SLC9A9: variants seen among roughly 807,000 people sequenced by gnomAD.
SLC9A9 encodes solute carrier family 9 member A9.
A neutral mutation model predicts 77.8 loss-of-function variants in SLC9A9; 62 were observed. The observed-to-expected ratio is 0.80, with a 90% confidence interval of 0.65 to 0.98. The LOEUF (loss-of-function observed/expected upper bound fraction) is 0.98, where lower values mean the gene tolerates loss of function less well. Among genes scored for constraint, SLC9A9 ranks in the 50% least tolerant of loss-of-function variants. SLC9A9 has a pLI of 0.00. For synonymous variants in SLC9A9, 320 were observed against 283.5 expected (o/e 1.13, Z -1.29); for missense variants, 775 against 774.9 (o/e 1.00, Z 0.00).
chr3:143,728,020 TCTC>T (rs1196961738), intron 4 of SLC9A9, among the ~76,000 whole-genome samples: 7 of 152,226 alleles, frequency 4.6e-5, no homozygotes, highest in Non-Finnish European at 8.8e-5. Flanking sequence ...TTTATGTTCT[TCTC>T]CTTCGAATAT....
intron 5 of SLC9A9, among the ~76,000 whole-genome samples, chr3:143,654,488 T>A (rs2038854280): frequency 6.6e-6 from 1 of 152,188 alleles, no homozygotes. Flanking sequence ...GACGTTGCAG[T>A]TGGTGGGAGG....
intron 2 of SLC9A9, among the ~76,000 whole-genome samples, chr3:143,810,888 T>A (rs1332727553): frequency 6.6e-6 from 1 of 152,210 alleles, no homozygotes; most frequent in Non-Finnish European, 1.5e-5. Flanking sequence ...TAATTGCATC[T>A]AAGGTGCTGG....
chr3:143,648,678 T>C (rs1176434433), intron 6 of SLC9A9, among the ~76,000 whole-genome samples: 1 of 152,220 alleles, frequency 6.6e-6, no homozygotes, highest in African/African-American at 2.4e-5. Context: ...TCTCAGCTCA[T>C]GTGCTTCCAA....
chr3:143,675,911 C>T (rs1932867209), intron 5 of SLC9A9, among the ~76,000 whole-genome samples: 1 of 152,146 alleles, frequency 6.6e-6, no homozygotes, highest in South Asian at 2.1e-4. Context: ...ACTCATATCT[C>T]CTCTCTCCCC....
chr3:143,470,116 G>T (rs838624), intron 11 of SLC9A9, among the ~76,000 whole-genome samples: 77,317 of 151,992 alleles, frequency 0.51, 20,401 homozygotes, highest in Non-Finnish European at 0.58. Context: ...TCTGAGGAGA[G>T]AATTTATAGG....
chr3:143,581,017 G>A (rs1346630128), intron 6 of SLC9A9, among the ~76,000 whole-genome samples: 3 of 152,198 alleles, frequency 2.0e-5, no homozygotes, highest in African/African-American at 4.8e-5. Flanking sequence ...AGCATAACTC[G>A]GCAGGGAAGC....
chr3:143,802,469 C>T (rs1369851396), intron 2 of SLC9A9, among the ~76,000 whole-genome samples: 1 of 152,196 alleles, frequency 6.6e-6, no homozygotes, highest in Non-Finnish European at 1.5e-5. Context: ...TGCCCCGAGT[C>T]AGGAAACTAA....
chr3:143,803,746 T>C (rs1050609998), intron 2 of SLC9A9, among the ~76,000 whole-genome samples: 2 of 152,144 alleles, frequency 1.3e-5, no homozygotes, highest in African/African-American at 4.8e-5. Context: ...AATCCCTCCT[T>C]AGCAAACAAT....
At chr3:143,387,221 A>G (rs913251109) in intron 12 of SLC9A9, among the ~76,000 whole-genome samples, 1 of 152,174 alleles carries the variant, frequency 6.6e-6, no homozygotes, top group Non-Finnish European at 1.5e-5. Flanking sequence ...GTGTCTGAAG[A>G]GCAAGGAGAA....
chr3:143,437,390 A>G (rs916844945), intron 12 of SLC9A9, among the ~76,000 whole-genome samples: 6 of 152,260 alleles, frequency 3.9e-5, no homozygotes, highest in Admixed American at 3.9e-4. Context: ...AGACAGGCTC[A>G]GATCCCACAA....
intron 9 of SLC9A9, among the ~76,000 whole-genome samples, chr3:143,521,185 C>T (rs2036293172): frequency 6.6e-6 from 1 of 152,078 alleles, no homozygotes; most frequent in Non-Finnish European, 1.5e-5. Flanking sequence ...GTCTTCTAAA[C>T]AATTTATGAT....
chr3:143,314,799 C>A (rs1256554300), intron 14 of SLC9A9, among the ~76,000 whole-genome samples: 1 of 152,168 alleles, frequency 6.6e-6, no homozygotes, highest in Admixed American at 6.5e-5. Flanking sequence ...GTAAAAATAT[C>A]ACCGGAGACA....
At chr3:143,563,568 T>C (rs2037121537) in intron 8 of SLC9A9, among the ~76,000 whole-genome samples, 1 of 152,148 alleles carries the variant, frequency 6.6e-6, no homozygotes, top group Non-Finnish European at 1.5e-5. Context: ...GAAGGTAGTC[T>C]GTTTAGTGGT....
intron 6 of SLC9A9, among the ~76,000 whole-genome samples, chr3:143,629,572 CGT>C (rs112725310): frequency 0.018 from 2,599 of 145,762 alleles, 60 homozygotes; most frequent in African/African-American, 0.058. Context: ...CGTGTGTGTG[CGT>C]GTGTGTGTGT....
chr3:143,293,833 TC>T (rs1264125308), intron 14 of SLC9A9, among the ~76,000 whole-genome samples: 1 of 152,176 alleles, frequency 6.6e-6, no homozygotes, highest in African/African-American at 2.4e-5. Context: ...TACTGAAGAA[TC>T]CCATCTTTTA....
At chr3:143,741,555 T>C (rs73154709) in intron 4 of SLC9A9, among the ~76,000 whole-genome samples, 8,620 of 152,218 alleles carry the variant, frequency 0.057, 290 homozygotes, top group Middle Eastern at 0.075. Flanking sequence ...CTTGTCACTT[T>C]GTAAGTGTGG....
intron 9 of SLC9A9, among the ~76,000 whole-genome samples, chr3:143,532,054 T>C (rs1409722586): frequency 6.6e-6 from 1 of 152,162 alleles, no homozygotes; most frequent in Non-Finnish European, 1.5e-5. Context: ...TTTGCAAAAA[T>C]AGAAAGTGTG....
chr3:143,773,077 G>A (rs56258082), intron 4 of SLC9A9, among the ~76,000 whole-genome samples: 25,170 of 152,118 alleles, frequency 0.17, 2,607 homozygotes, highest in East Asian at 0.46. Flanking sequence ...TGTATGCATT[G>A]TTCAAATTAC....
intron 12 of SLC9A9, among the ~76,000 whole-genome samples, chr3:143,424,271 C>CTT (rs34418520): frequency 0.37 from 52,813 of 143,948 alleles, 10,013 homozygotes; most frequent in Middle Eastern, 0.46. Flanking sequence ...TACTTGAAAC[C>CTT]TTTTTTTTTT....
Sources: gnomAD v4.1 joint callset for allele counts (sites outside exome capture counted in the v4.1 genomes callset) on GRCh38, gnomAD v4.1.1 for gene constraint, MANE v1.5 for transcripts, NCBI Gene and HGNC (gene_info 2026-07-23, HGNC 2026-07-21) for gene names.